The following PIK3C2G variants were observed in gnomAD, a reference collection of about 807,000 sequenced individuals.
PIK3C2G encodes the protein phosphatidylinositol-4-phosphate 3-kinase catalytic subunit type 2 gamma.
A neutral mutation model predicts 181.1 loss-of-function variants in PIK3C2G; 168 were observed. That is an observed-to-expected ratio of 0.93 (90% CI 0.82 to 1.05). The LOEUF is 1.05. Among genes scored for constraint, PIK3C2G ranks in the 50% least tolerant of loss-of-function variants. The pLI is 0.00. For missense variants in PIK3C2G, 1,869 were observed against 1,732.8 expected, an observed-to-expected ratio of 1.08 and a Z score of -1.40; for synonymous variants, 573 against 592.2, an observed-to-expected ratio of 0.97 and a Z score of 0.47.
chr12:18,352,950 C>A (rs1940365256), intron 11 of PIK3C2G, among the ~76,000 whole-genome samples: 1 of 152,142 alleles, frequency 6.6e-6, no homozygotes, highest in Admixed American at 6.5e-5. Context: ...TGCCAGTGGA[C>A]CCTGGGGTTT....
chr12:18,501,554 T>C (rs1035170404), intron 22 of PIK3C2G, among the ~76,000 whole-genome samples: 8 of 152,146 alleles, frequency 5.3e-5, no homozygotes, highest in Non-Finnish European at 7.4e-5. Flanking sequence ...TTGAGAAATA[T>C]TGCATTAAAG....
chr12:18,458,285 T>C (rs1947736616), intron 18 of PIK3C2G, among the ~76,000 whole-genome samples: 1 of 152,198 alleles, frequency 6.6e-6, no homozygotes, highest in African/African-American at 2.4e-5. Flanking sequence ...AATAATTTTC[T>C]GGGCATACTG....
chr12:18,322,290 G>A (rs1951147445), intron 7 of PIK3C2G, among the ~76,000 whole-genome samples: 1 of 151,662 alleles, frequency 6.6e-6, no homozygotes, highest in South Asian at 2.1e-4. Flanking sequence ...GCTGAGGCAG[G>A]AGAATCACTT....
chr12:18,516,329 T>C (rs577803208), intron 24 of PIK3C2G, among the ~76,000 whole-genome samples: 1 of 151,956 alleles, frequency 6.6e-6, no homozygotes, highest in African/African-American at 2.4e-5. Flanking sequence ...GCAGGGTTTC[T>C]GCCGTGAAAC....
At chr12:18,694,165 G>T in the PIK3C2G span, 1 of 705,684 alleles carries the variant, frequency 1.4e-6, no homozygotes. Flanking sequence ...GATGAGGCTG[G>T]GGGAGTTGCC....
chr12:18,252,034 C>T (rs1320696587), intron 1 of PIK3C2G, among the ~76,000 whole-genome samples: 3 of 152,042 alleles, frequency 2.0e-5, no homozygotes, highest in Non-Finnish European at 2.9e-5. Flanking sequence ...AAGGAACATT[C>T]AGTTAAAAAA....
chr12:18,701,498 C>A, the PIK3C2G span: 17 of 1,613,926 alleles, frequency 1.1e-5, no homozygotes, highest in Non-Finnish European at 1.4e-5. Flanking sequence ...AACACCACCT[C>A]ACCTTCTTTT....
chr12:18,399,036 A>G (rs1338860619), intron 15 of PIK3C2G, among the ~76,000 whole-genome samples: 1 of 148,550 alleles, frequency 6.7e-6, no homozygotes, highest in East Asian at 2.0e-4. Flanking sequence ...TCTACTAAAA[A>G]TACAAAAAAT....
intron 5 of PIK3C2G, among the ~76,000 whole-genome samples, chr12:18,308,419 T>C (rs912785090): frequency 6.6e-6 from 1 of 151,628 alleles, no homozygotes; most frequent in Non-Finnish European, 1.5e-5. Flanking sequence ...TGTGAAGATG[T>C]ACTTCAACAA....
chr12:18,373,822 C>T (rs2137897304), intron 13 of PIK3C2G, among the ~76,000 whole-genome samples: 3 of 151,968 alleles, frequency 2.0e-5, no homozygotes, highest in Admixed American at 2.0e-4. Context: ...CACTGCACTC[C>T]AGCCTGGGCG....
At chr12:18,382,792 TAGA>T (rs1942926005) in intron 14 of PIK3C2G, among the ~76,000 whole-genome samples, 1 of 152,222 alleles carries the variant, frequency 6.6e-6, no homozygotes, top group South Asian at 2.1e-4. Flanking sequence ...ATCACTGCTC[TAGA>T]AGAAGTCAGT....
At chr12:18,692,231 G>A in the PIK3C2G span, among the ~76,000 whole-genome samples, 1 of 152,072 alleles carries the variant, frequency 6.6e-6, no homozygotes, top group Non-Finnish European at 1.5e-5. Flanking sequence ...GATCTGAGAT[G>A]GTTTATACAG....
chr12:18,696,339 T>G, the PIK3C2G span: 1 of 260,020 alleles, frequency 3.8e-6, no homozygotes, highest in Non-Finnish European at 6.6e-6. Flanking sequence ...TATATATATA[T>G]ATATATATAT....
chr12:18,565,909 A>C (rs1308110353), intron 28 of PIK3C2G, among the ~76,000 whole-genome samples: 6 of 152,304 alleles, frequency 3.9e-5, no homozygotes, highest in African/African-American at 1.4e-4. Context: ...CAAAAAAACT[A>C]TGCATATATG....
At chr12:18,421,108 C>T (rs1945461210) in intron 17 of PIK3C2G, 74 bp downstream of exon 17, 1 of 831,916 alleles carries the variant, frequency 1.2e-6, no homozygotes, top group East Asian at 2.5e-5. Flanking sequence ...AATGAATCAA[C>T]AATAGTCTAT....
At chr12:18,545,471 T>G (rs774599882) in intron 25 of PIK3C2G, among the ~76,000 whole-genome samples, 11 of 151,884 alleles carry the variant, frequency 7.2e-5, no homozygotes, top group Non-Finnish European at 1.3e-4. Flanking sequence ...GTAAATAATT[T>G]ATCATCTTAG....
chr12:18,431,065 A>T (rs1946128721), intron 18 of PIK3C2G, among the ~76,000 whole-genome samples: 1 of 152,116 alleles, frequency 6.6e-6, no homozygotes, highest in Non-Finnish European at 1.5e-5. Flanking sequence ...CATGAGATTC[A>T]AAGTCACAGT....
At chr12:18,605,103 G>C (rs1053041036) in intron 30 of PIK3C2G, among the ~76,000 whole-genome samples, 3 of 152,128 alleles carry the variant, frequency 2.0e-5, no homozygotes, top group Non-Finnish European at 4.4e-5. Context: ...CAAAAAGCTG[G>C]TTCTTTGGAA....
rs750744139 is a variant in PIK3C2G at position 18,373,851 on chromosome 12, T to TAA, written c.1880+2553_1880+2554dup. ...CTGGGCGACAGAGCGAGACTCCGTC[T>TAA]AAAAAAAAAAAAAATGCTCAAGTCC... On this transcript the variant is annotated intron_variant, in intron 13 of 32. Transcript: ENST00000538779. Among the ~76,000 whole-genome samples the TAA allele has an allele frequency of 7.7e-5, 11 of 142,386 alleles. 1 individual carries two copies. Among genetic ancestry groups the TAA allele is most frequent in the African/African-American group, 2.8e-4 (11 of 38,858 alleles). 93.4% of individuals were successfully genotyped at this position (142,386 alleles called of 152,430 possible). A position where few individuals can be genotyped will look rare whatever the true frequency, so the allele number is the denominator to read the frequency against.
Sources: gnomAD v4.1 joint callset for allele counts (sites outside exome capture counted in the v4.1 genomes callset) on GRCh38, gnomAD v4.1.1 for gene constraint, MANE v1.5 for transcripts, NCBI Gene and HGNC (gene_info 2026-07-23, HGNC 2026-07-21) for gene names.